TTN: variants seen among roughly 807,000 people sequenced by gnomAD.
TTN encodes the protein titin.
In TTN, 1,525 loss-of-function variants were observed where a neutral mutation model predicts 3,223.0. That is an observed-to-expected ratio of 0.47 (90% CI 0.45 to 0.49). The LOEUF (loss-of-function observed/expected upper bound fraction) is 0.49, where lower values mean the gene tolerates loss of function less well. TTN is among the 20% of genes least tolerant of loss of function. TTN has a pLI of 0.00. For synonymous variants in TTN, 14,094 were observed against 15,161.0 expected, an observed-to-expected ratio of 0.93 and a Z score of 5.17; for missense variants, 40,786 against 43,424.0, an observed-to-expected ratio of 0.94 and a Z score of 5.40.
chr2:178,537,843 A>G lies in TTN; in HGVS notation c.99364T>C (p.Cys33122Arg). 6.2e-7 allele frequency: 1 copy of G among 1,613,654 alleles called. No individual in the cohort carries two copies. Among genetic ancestry groups the G allele is most frequent in the East Asian group, 2.2e-5 (1 of 44,864 alleles). Residue 33122 changes from cysteine to arginine, a missense_variant, in exon 355 of 363, where the codon TGC becomes CGC. Cys to Arg is a radical substitution (Grantham distance 180). Transcript: ENST00000589042. ...TKLGEAAQLSCQIVGRPLPDI... is the reference protein window; with the variant it reads ...TKLGEAAQLSRQIVGRPLPDI... ...GGAAGAGGCCTTCCAACAATCTGGC[A>G]TGAGAGTTGAGCAGCTTCACCCAAT...
At position 178,740,842 on chromosome 2, in the gene TTN, A is replaced by T. The variant is rs750186297; in HGVS notation, c.12391T>A (p.Phe4131Ile). ...TGAATACTGCCATTGATGCAAAGAA[A>T]TTCCCTGGTGCTTTCAGGAGTGAGC... The part of the protein sequence containing the change: ...DKLTPESTRE[F>I]LCINGSIHFQ... The change falls in exon 48 of 363, where the codon TTT becomes ATT. Residue 4131 changes from phenylalanine (F) to isoleucine (I), a missense_variant. Coordinates refer to ENST00000589042, the MANE Select transcript of TTN (RefSeq NM_001267550.2). 5.6e-6 allele frequency: 9 copies of T among 1,613,726 alleles called. No individual in the cohort carries two copies. In the African/African-American group the frequency reaches 1.2e-4, roughly 22 times the overall value.
chr2:178,577,949 A>G (rs747091510), intron 322 of TTN, 39 bp downstream of exon 322: 1 of 1,593,860 alleles, frequency 6.3e-7, no homozygotes, highest in South Asian at 1.1e-5. Flanking sequence ...TTCTTCATGT[A>G]AAACATGCAC....
At chr2:178,786,473 G>A (rs1319610516) in intron 13 of TTN, among the ~76,000 whole-genome samples, 5 of 152,142 alleles carry the variant, frequency 3.3e-5, no homozygotes, top group African/African-American at 1.2e-4. Flanking sequence ...TCAGCAATTG[G>A]AAAATCAGAA....
In TTN at chr2:178,568,355, T is replaced by C. The variant is rs1706759391; in HGVS notation, c.77777A>G (p.Tyr25926Cys). The C allele has an allele frequency of 2.5e-6, 4 of 1,613,362 alleles. No homozygotes were observed. The highest frequency in any genetic ancestry group is 1.7e-5 in the Admixed American group (1 of 59,952). Reference sequence around the variant, plus strand: ...GGTTGTATCTCTTTTCTGAACAATGTAGTTGGTGATTTGGCAGCCCCCTGT... The same window carrying C: ...GGTTGTATCTCTTTTCTGAACAATGCAGTTGGTGATTTGGCAGCCCCCTGT... ...LYTGGCQITN[Y>C]IVQKRDTTTT... Residue 25926 changes from tyrosine (Y) to cysteine (C), a missense_variant, in exon 326 of 363, where the codon TAC becomes TGC. Physicochemically the swap from Tyr to Cys is radical, Grantham distance 194. Coordinates refer to ENST00000589042, the MANE Select transcript of TTN (RefSeq NM_001267550.2).
intron 292 of TTN, 129 bp downstream of exon 292, chr2:178,598,377 A>C: frequency 1.8e-6 from 2 of 1,134,616 alleles, no homozygotes; most frequent in South Asian, 1.6e-5. Flanking sequence ...TTGGAATGTG[A>C]GTTAAAATTA....
chr2:178,754,916 A>G (rs945196282), intron 46 of TTN, among the ~76,000 whole-genome samples: 5 of 152,152 alleles, frequency 3.3e-5, no homozygotes, highest in Non-Finnish European at 5.9e-5. Flanking sequence ...TATTCTCTGT[A>G]CTGGGTAGGA....
rs373981349 is a variant in TTN at position 178,577,519 on chromosome 2, A to G, written c.68825-9T>C. On this transcript the variant is annotated splice_polypyrimidine_tract_variant and intron_variant, in intron 323 of 362. Coordinates refer to ENST00000589042, the MANE Select transcript of TTN (RefSeq NM_001267550.2). ...GACAATTGTTGGTGCCTCTGCAAAG[A>G]AAAAAATACATTTTAATCAGAAAAG... 3 of 1,558,818 alleles carry G rather than the reference A, an allele frequency of 1.9e-6. No individual in the cohort carries two copies. The highest frequency in any genetic ancestry group is 2.6e-6 in the Non-Finnish European group (3 of 1,155,776).
chr2:178,571,348 T>C lies in TTN; in HGVS notation c.74784A>G (p.Gln24928=), dbSNP rs571185863. 5.0e-6 allele frequency: 8 copies of C among 1,613,426 alleles called. No individual in the cohort carries two copies. In the African/African-American group the frequency reaches 8.0e-5, roughly 16 times the overall value. Residue 24928 remains glutamine (Q), a synonymous_variant, in exon 326 of 363, where the codon CAA becomes CAG. Transcript: ENST00000589042. ...TLSSRDSMEV[Q]WNEPISDGGS... ...CTCCATCACTGATTGGCTCATTCCA[T>C]TGTACTTCCATGCTGTCCCTGGAGG...
intron 47 of TTN, chr2:178,749,526 C>A (rs918439071): frequency 6.2e-7 from 1 of 1,612,870 alleles, no homozygotes; most frequent in Admixed American, 1.7e-5. Flanking sequence ...GTAAAGGGAC[C>A]AGCTGGATAA....
intron 221 of TTN, 46 bp downstream of exon 221, chr2:178,640,495 A>G: frequency 6.7e-7 from 1 of 1,497,462 alleles, no homozygotes. Context: ...TAAATGATAC[A>G]TATTTGCATT....
chr2:178,707,319 A>T (rs934537663), intron 100 of TTN, among the ~76,000 whole-genome samples: 4 of 152,238 alleles, frequency 2.6e-5, no homozygotes, highest in Non-Finnish European at 1.5e-5. Flanking sequence ...AGGGTGGTAA[A>T]CTTGTAGTAA....
intron 43 of TTN, among the ~76,000 whole-genome samples, chr2:178,761,195 C>A (rs1298172229): frequency 1.3e-5 from 2 of 152,016 alleles, no homozygotes; most frequent in African/African-American, 4.8e-5. Context: ...CTCATCCACG[C>A]TCTCCAGGCC....
chr2:178,769,084 AC>A, intron 37 of TTN, 151 bp from the exon 38 acceptor site: 2 of 846,994 alleles, frequency 2.4e-6, no homozygotes, highest in Non-Finnish European at 3.7e-6. Context: ...CCTTCCATGT[AC>A]TATACAGGAC....
Position 178,534,960 on chromosome 2 carries a change from C to T in TTN, c.101655G>A (p.Met33885Ile), listed in dbSNP as rs777177959. 1.7e-5 allele frequency: 28 copies of T among 1,612,956 alleles called. No individual in the cohort carries two copies. The highest frequency in any genetic ancestry group is 2.4e-5 in the Non-Finnish European group (28 of 1,179,706). The change falls in exon 358 of 363, where the codon ATG becomes ATA. Residue 33885 changes from methionine to isoleucine, a missense_variant. Met to Ile is a conservative substitution (Grantham distance 10). Coordinates refer to ENST00000589042, the MANE Select transcript of TTN (RefSeq NM_001267550.2). ...ACTCAAAGATCATAACTAATTCTTC[C>T]ATGCTTTCAAATGATTCATGGAGGT... ...ILHLHESFES[M>I]EELVMIFEFI...
At chr2:178,606,397 G>A (rs768044615) in intron 278 of TTN, among the ~76,000 whole-genome samples, 13 of 151,876 alleles carry the variant, frequency 8.6e-5, no homozygotes, top group Admixed American at 4.6e-4. Flanking sequence ...GGGGGTGATG[G>A]TGAAGGAATA....
At position 178,591,490 on chromosome 2, in the gene TTN, C is replaced by T. The variant is rs763121309; in HGVS notation, c.60235G>A (p.Glu20079Lys). The part of the protein sequence containing the change: ...CQEKLVPPSV[E>K]LDVKLIEGLV... Reference sequence around the variant, plus strand: ...CCTTCAATTAATTTCACATCTAGCTCCACGGATGGAGGCACTGAAAAGTAA... The same window carrying T: ...CCTTCAATTAATTTCACATCTAGCTTCACGGATGGAGGCACTGAAAAGTAA... Residue 20079 changes from glutamate to lysine, a missense_variant, in exon 304 of 363, where the codon GAG becomes AAG. Glu to Lys is a moderately conservative substitution (Grantham distance 56). Transcript: ENST00000589042. 2 of 1,586,532 alleles carry T rather than the reference C, an allele frequency of 1.3e-6. No homozygotes were observed. The highest frequency in any genetic ancestry group is 1.7e-6 in the Non-Finnish European group (2 of 1,171,728).
chr2:178,626,507 G>A (rs1007542980), intron 240 of TTN, among the ~76,000 whole-genome samples: 2 of 151,848 alleles, frequency 1.3e-5, no homozygotes, highest in Non-Finnish European at 2.9e-5. Flanking sequence ...ATAATGTAAA[G>A]TTTTTCACCA....
chr2:178,678,380 TC>T, intron 144 of TTN, 33 bp downstream of exon 144: 1 of 1,554,590 alleles, frequency 6.4e-7, no homozygotes, highest in Non-Finnish European at 8.7e-7. Context: ...GTGAGTTTTT[TC>T]CCCCAAGTAC....
Position 178,544,447 on chromosome 2 carries a change from A to G in TTN, c.95782T>C (p.Leu31928=). The part of the protein sequence containing the change: ...VVDTTKHSIS[L]AWTKPMYDGG... The stretch of plus-strand genomic sequence containing the variant: ...TCGTACATGGGTTTGGTCCATGCCA[A>G]ACTAATGCTGTGTTTGGTGGTATCC... Residue 31928 remains leucine, a synonymous_variant, in exon 345 of 363, where the codon TTG becomes CTG. Transcript: ENST00000589042. The G allele has an allele frequency of 6.2e-7, 1 of 1,613,640 alleles. No homozygotes were observed. The highest frequency in any genetic ancestry group is 8.5e-7 in the Non-Finnish European group (1 of 1,179,616).
Sources: gnomAD v4.1 joint callset for allele counts (sites outside exome capture counted in the v4.1 genomes callset) on GRCh38, gnomAD v4.1.1 for gene constraint, MANE v1.5 for transcripts, NCBI Gene and HGNC (gene_info 2026-07-23, HGNC 2026-07-21) for gene names.